Variants in CTNND2 observed in about 807,000 individuals in gnomAD.
CTNND2 encodes catenin delta 2, also known as catenin delta-2.
CTNND2 carries 22 observed loss-of-function variants against 144.4 expected under a neutral mutation model. That is an observed-to-expected ratio of 0.15 (90% CI 0.11 to 0.22). The LOEUF (loss-of-function observed/expected upper bound fraction) is 0.22. Among genes scored for constraint, CTNND2 ranks in the 10% least tolerant of loss-of-function variants. The probability of loss-of-function intolerance (pLI) is 1.00; values close to 1 mark genes in which losing one functional copy is unlikely to be tolerated. For missense variants in CTNND2, 1,353 were observed against 1,618.8 expected (o/e 0.84, Z 2.82); for synonymous variants, 751 against 695.6 (o/e 1.08, Z -1.25).
chr5:11,189,575 T>C (rs1206951978), intron 11 of CTNND2, among the ~76,000 whole-genome samples: 2 of 152,232 alleles, frequency 1.3e-5, no homozygotes, highest in Non-Finnish European at 2.9e-5. Context: ...TTTCTCTAGC[T>C]TACACTGTTG....
chr5:11,559,424 T>C (rs1036926636), intron 3 of CTNND2, among the ~76,000 whole-genome samples: 6 of 152,190 alleles, frequency 3.9e-5, no homozygotes, highest in African/African-American at 1.2e-4. Context: ...CAATATTCTA[T>C]GCTCTCCACT....
At chr5:11,294,310 C>G (rs1748667632) in intron 9 of CTNND2, among the ~76,000 whole-genome samples, 1 of 152,102 alleles carries the variant, frequency 6.6e-6, no homozygotes, top group Admixed American at 6.5e-5. Context: ...ATGGAATACA[C>G]ATAAAGCCCA....
intron 2 of CTNND2, among the ~76,000 whole-genome samples, chr5:11,704,812 C>T (rs1397052405): frequency 6.6e-6 from 1 of 151,840 alleles, no homozygotes; most frequent in Non-Finnish European, 1.5e-5. Flanking sequence ...AGCATATTTA[C>T]TTGGCTCCCT....
intron 2 of CTNND2, among the ~76,000 whole-genome samples, chr5:11,596,500 G>C (rs528392369): frequency 6.6e-6 from 1 of 152,134 alleles, no homozygotes; most frequent in African/African-American, 2.4e-5. Flanking sequence ...TAAGGCACTA[G>C]CCAAAGAGAC....
chr5:11,258,156 C>A (rs987636489), intron 9 of CTNND2, among the ~76,000 whole-genome samples: 1 of 152,140 alleles, frequency 6.6e-6, no homozygotes, highest in African/African-American at 2.4e-5. Flanking sequence ...TTTCTTCTAA[C>A]CAATCCCAGA....
At chr5:11,512,524 A>G (rs1174296105) in intron 3 of CTNND2, among the ~76,000 whole-genome samples, 1 of 152,220 alleles carries the variant, frequency 6.6e-6, no homozygotes, top group Non-Finnish European at 1.5e-5. Flanking sequence ...CCTGGTTATC[A>G]TGTATTTGTG....
intron 3 of CTNND2, among the ~76,000 whole-genome samples, chr5:11,502,027 CAAAAAAAAA>C (rs547364682): frequency 5.2e-5 from 3 of 57,240 alleles, no homozygotes; most frequent in Non-Finnish European, 8.5e-5. Context: ...GACTCCATCT[CAAAAAAAAA>C]AAAAAAAAAA....
At chr5:11,003,832 T>G (rs1057031428) in intron 18 of CTNND2, among the ~76,000 whole-genome samples, 1 of 152,256 alleles carries the variant, frequency 6.6e-6, no homozygotes, top group Non-Finnish European at 1.5e-5. Flanking sequence ...GACATACCAG[T>G]TGCTGTCATT....
intron 3 of CTNND2, among the ~76,000 whole-genome samples, chr5:11,529,731 G>C (rs980709085): frequency 1.3e-5 from 2 of 152,052 alleles, no homozygotes; most frequent in African/African-American, 2.4e-5. Flanking sequence ...ATTTCAACTA[G>C]ATTTAGAAAC....
At chr5:11,457,287 C>T (rs192758543) in intron 3 of CTNND2, among the ~76,000 whole-genome samples, 2 of 151,988 alleles carry the variant, frequency 1.3e-5, no homozygotes, top group East Asian at 3.9e-4. Context: ...GCCTGTAGTC[C>T]CAGCTACTCA....
At chr5:11,606,111 C>T (rs779889242) in intron 2 of CTNND2, among the ~76,000 whole-genome samples, 1 of 152,034 alleles carries the variant, frequency 6.6e-6, no homozygotes, top group Non-Finnish European at 1.5e-5. Flanking sequence ...AATGAAGCCA[C>T]GAGCCAAGGA....
At chr5:11,565,150 G>A in intron 2 of CTNND2, 94 bp from the exon 3 acceptor site, 1 of 797,178 alleles carries the variant, frequency 1.3e-6, no homozygotes, top group Non-Finnish European at 2.1e-6. Flanking sequence ...AGAAAAATAT[G>A]ATTTTCCAAG....
chr5:11,288,530 C>T (rs965608775), intron 9 of CTNND2, among the ~76,000 whole-genome samples: 23 of 152,048 alleles, frequency 1.5e-4, no homozygotes, highest in Admixed American at 6.6e-4. Flanking sequence ...AAACCTATAC[C>T]GTGGGCTTGC....
intron 15 of CTNND2, among the ~76,000 whole-genome samples, chr5:11,088,961 C>G (rs1750465992): frequency 6.6e-6 from 1 of 152,098 alleles, no homozygotes; most frequent in Non-Finnish European, 1.5e-5. Flanking sequence ...TGAGCCCAGC[C>G]TATGAGAAGG....
intron 1 of CTNND2, among the ~76,000 whole-genome samples, chr5:11,879,867 C>T (rs575810911): frequency 6.6e-6 from 1 of 152,262 alleles, no homozygotes; most frequent in East Asian, 1.9e-4. Flanking sequence ...CTGGACTTCC[C>T]TCTCCCTTCA....
At chr5:11,268,660 T>C (rs1745697685) in intron 9 of CTNND2, among the ~76,000 whole-genome samples, 1 of 152,008 alleles carries the variant, frequency 6.6e-6, no homozygotes, top group Non-Finnish European at 1.5e-5. Context: ...TAAAGTACTA[T>C]CACACTATAA....
intron 9 of CTNND2, among the ~76,000 whole-genome samples, 153 bp downstream of exon 9, chr5:11,346,219 C>A (rs764145619): frequency 6.6e-6 from 1 of 152,160 alleles, no homozygotes; most frequent in African/African-American, 2.4e-5. Flanking sequence ...CCATTGCAAG[C>A]ACACACATTC....
intron 16 of CTNND2, among the ~76,000 whole-genome samples, chr5:11,039,921 G>A (rs566369138): frequency 6.6e-6 from 1 of 152,206 alleles, no homozygotes; most frequent in African/African-American, 2.4e-5. Flanking sequence ...AATTAGCCAG[G>A]CATGGTGACA....
chr5:11,181,352 T>C (rs1427714650), intron 11 of CTNND2, among the ~76,000 whole-genome samples: 2 of 152,122 alleles, frequency 1.3e-5, no homozygotes, highest in Non-Finnish European at 2.9e-5. Flanking sequence ...ACCTACTACC[T>C]CATAGCTGCA....
Sources: gnomAD v4.1 joint callset for allele counts (sites outside exome capture counted in the v4.1 genomes callset) on GRCh38, gnomAD v4.1.1 for gene constraint, MANE v1.5 for transcripts, NCBI Gene and HGNC (gene_info 2026-07-23, HGNC 2026-07-21) for gene names.